Variants in GPR155 observed in about 807,000 individuals in gnomAD.
The protein encoded by GPR155 is G protein-coupled receptor 155.
In GPR155, 65 loss-of-function variants were observed where a neutral mutation model predicts 93.1. The observed-to-expected ratio is 0.70, with a 90% CI of 0.57 to 0.86. The LOEUF is 0.86. Ranked by LOEUF, GPR155 falls within the 40% of genes least tolerant of loss-of-function variation. The probability of loss-of-function intolerance (pLI) is 0.00; values close to 1 mark genes in which losing one functional copy is unlikely to be tolerated. For missense variants in GPR155, 838 were observed against 1,034.8 expected, an observed-to-expected ratio of 0.81 and a Z score of 2.61; for synonymous variants, 319 against 360.1, an observed-to-expected ratio of 0.89 and a Z score of 1.29.
At chr2:174,439,408 T>C (rs1427616013) in intron 15 of GPR155, among the ~76,000 whole-genome samples, 2 of 152,188 alleles carry the variant, frequency 1.3e-5, no homozygotes. Context: ...AGGATTAGTA[T>C]AATAAATATT....
intron 2 of GPR155, among the ~76,000 whole-genome samples, chr2:174,480,279 A>C (rs1688282305): frequency 6.6e-6 from 1 of 152,168 alleles, no homozygotes. Context: ...ACCACCTGAC[A>C]TGATTTTAAT....
rs1688329229 is a variant in GPR155 at position 174,481,772 on chromosome 2, G to T, written c.185C>A (p.Ala62Asp). ...IVLCGYIAGRANVITSTQAKG... is the reference protein window; with the variant it reads ...IVLCGYIAGRDNVITSTQAKG... ...GGCCTGGGTTGATGTTATGACATTG[G>T]CCCTTCCTGCTATGTAGCCACAAAG... is the stretch of plus-strand genomic sequence containing the variant. The change falls in exon 2 of 16, where the codon GCC (alanine) becomes GAC (aspartate). Residue 62 changes from alanine to aspartate, a missense_variant. Physicochemically the swap from Ala to Asp is moderately radical, Grantham distance 126 (BLOSUM62 -2). Transcript: ENST00000392552. 6.2e-7 allele frequency: 1 copy of T among 1,614,064 alleles called. No individual in the cohort carries two copies. Among genetic ancestry groups the T allele is most frequent in the African/African-American group, 1.3e-5 (1 of 74,940 alleles).
rs1366269972 is a variant in GPR155 at position 174,470,509 on chromosome 2, T to C, written c.907A>G (p.Lys303Glu). 2.5e-6 allele frequency: 4 copies of C among 1,613,982 alleles called. No individual in the cohort carries two copies. The highest frequency in any genetic ancestry group is 1.1e-5 in the South Asian group (1 of 91,084). The change falls in exon 4 of 16, where the codon AAG becomes GAG. Residue 303 changes from lysine to glutamate, a missense_variant. By Grantham distance (56) the Lys-to-Glu change is moderately conservative. Around this residue, in one of 3 missense-constraint regions of GPR155, gnomAD observed 663 missense variants for 790.1 expected, o/e 0.84. Transcript: ENST00000392552. ...LCREMVELLD[K>E]GDSVVNHTSL... ...GTATGGTTCACCACACTGTCGCCCT[T>C]GTCCAAGAGTTCCACCATTTCTCTG...
intron 9 of GPR155, among the ~76,000 whole-genome samples, chr2:174,460,658 C>T (rs1687663903): frequency 6.6e-6 from 1 of 152,140 alleles, no homozygotes; most frequent in Non-Finnish European, 1.5e-5. Flanking sequence ...CCACTGGTTT[C>T]CTTTACAAGG....
intron 4 of GPR155, among the ~76,000 whole-genome samples, chr2:174,469,446 A>G (rs911804940): frequency 1.8e-4 from 28 of 152,322 alleles, no homozygotes; most frequent in Non-Finnish European, 3.4e-4. Flanking sequence ...ATTACCATGC[A>G]AATATTTATT....
chr2:174,462,718 C>T (rs1399025411), intron 7 of GPR155, among the ~76,000 whole-genome samples: 1 of 152,188 alleles, frequency 6.6e-6, no homozygotes, highest in Non-Finnish European at 1.5e-5. Flanking sequence ...TTTTAGAAAA[C>T]GCCCTAAGTG....
At chr2:174,441,117 A>T (rs10930668) in intron 14 of GPR155, among the ~76,000 whole-genome samples, 11 of 151,176 alleles carry the variant, frequency 7.3e-5, no homozygotes, top group Middle Eastern at 3.4e-3. Flanking sequence ...AGTTCCTCCA[A>T]TTTTTTTTTG....
At chr2:174,458,610 T>C (rs1338928849) in intron 10 of GPR155, among the ~76,000 whole-genome samples, 1 of 152,146 alleles carries the variant, frequency 6.6e-6, no homozygotes, top group African/African-American at 2.4e-5. Context: ...ACTGCCTTAG[T>C]ATAGGCCCCA....
At position 174,473,381 on chromosome 2, in the gene GPR155, T is replaced by C. The variant is rs1355050317; in HGVS notation, c.461-17A>G. 3 of 1,499,422 alleles carry C rather than the reference T, an allele frequency of 2.0e-6. No homozygotes were observed. The highest frequency in any genetic ancestry group is 2.7e-6 in the Non-Finnish European group (3 of 1,100,362). The allele number at this position is 1,499,422 out of a possible 1,614,324, so 92.9% of individuals were successfully genotyped here. A position where few individuals can be genotyped will look rare whatever the true frequency, so the allele number is the denominator to read the frequency against. On this transcript the variant is annotated splice_polypyrimidine_tract_variant and intron_variant, in intron 2 of 15. Transcript: ENST00000392552. ...AAGCTTCAACTGCAAAACAAGAATATTGATTTTTAAATGATGACCACAGAA... is the reference window on the plus strand; with the variant it reads ...AAGCTTCAACTGCAAAACAAGAATACTGATTTTTAAATGATGACCACAGAA...
intron 10 of GPR155, among the ~76,000 whole-genome samples, chr2:174,455,587 A>T (rs1199916278): frequency 1.3e-5 from 2 of 152,172 alleles, no homozygotes; most frequent in Non-Finnish European, 2.9e-5. Flanking sequence ...GAATTACAAG[A>T]ATCCAGCAGA....
chr2:174,442,126 T>G lies in GPR155; in HGVS notation c.2167A>C (p.Lys723Gln). 7.4e-7 allele frequency: 1 copy of G among 1,349,982 alleles called. No homozygotes were observed. Among genetic ancestry groups the G allele is most frequent in the Non-Finnish European group, 1.1e-6 (1 of 940,810 alleles). 83.6% of individuals were successfully genotyped at this position (1,349,982 alleles called of 1,614,324 possible). Reference protein sequence around the residue: ...LDKHLIILPFKRRLEFLWNNK... With the variant: ...LDKHLIILPFQRRLEFLWNNK... ...TTTCAAAACTTAATTTACCTTCTTTTGAAAGGCAGGATGATTAAATGTTTA... is the reference window on the plus strand; with the variant it reads ...TTTCAAAACTTAATTTACCTTCTTTGGAAAGGCAGGATGATTAAATGTTTA... Residue 723 changes from lysine (K) to glutamine (Q), a missense_variant, in exon 14 of 16, where the codon AAA becomes CAA. Lys to Gln is a moderately conservative substitution (Grantham distance 53). Coordinates refer to ENST00000392552, the MANE Select transcript of GPR155 (RefSeq NM_152529.7).
chr2:174,445,040 A>G (rs1277055659), intron 13 of GPR155, 41 bp downstream of exon 13: 3 of 968,636 alleles, frequency 3.1e-6, no homozygotes, highest in Non-Finnish European at 5.1e-6. Context: ...CAACCTATCC[A>G]GGAAGACAAA....
chr2:174,438,495 G>A (rs543618608), intron 15 of GPR155, among the ~76,000 whole-genome samples: 1 of 152,128 alleles, frequency 6.6e-6, no homozygotes, highest in African/African-American at 2.4e-5. Flanking sequence ...AAAAAGCAGG[G>A]TTATTTTGTG....
At chr2:174,462,315 A>AT (rs939574314) in intron 7 of GPR155, among the ~76,000 whole-genome samples, 67 of 145,780 alleles carry the variant, frequency 4.6e-4, no homozygotes, top group South Asian at 8.8e-4. Flanking sequence ...ACTGAAAAAC[A>AT]TTTTTTTTTT....
chr2:174,442,627 G>T (rs933189800), intron 13 of GPR155, among the ~76,000 whole-genome samples: 1 of 152,210 alleles, frequency 6.6e-6, no homozygotes, highest in Non-Finnish European at 1.5e-5. Context: ...CTGGCTAGTG[G>T]TTAGGAGAAG....
Position 174,470,599 on chromosome 2 carries a change from G to A in GPR155, c.861-44C>T, listed in dbSNP as rs746305762. Reference sequence around the variant, plus strand: ...CATCATTTACCTGATATCAAAGCATGGTTGTCCCCAGTAGCAGGCTGCTCT... The same window carrying A: ...CATCATTTACCTGATATCAAAGCATAGTTGTCCCCAGTAGCAGGCTGCTCT... On this transcript the variant is annotated intron_variant, in intron 3 of 15. Coordinates refer to ENST00000392552, the MANE Select transcript of GPR155 (RefSeq NM_152529.7). 4 of 1,575,624 alleles carry A rather than the reference G, an allele frequency of 2.5e-6. No homozygotes were observed. The South Asian group carries it at 4.5e-5, about 18-fold the overall frequency.
At chr2:174,453,502 T>C (rs1282782045) in intron 11 of GPR155, among the ~76,000 whole-genome samples, 2 of 151,394 alleles carry the variant, frequency 1.3e-5, no homozygotes, top group Admixed American at 1.3e-4. Context: ...CTACTAAAAA[T>C]ACAAAAAATT....
chr2:174,448,903 T>G (rs1316442838), intron 11 of GPR155, among the ~76,000 whole-genome samples: 1 of 152,084 alleles, frequency 6.6e-6, no homozygotes, highest in African/African-American at 2.4e-5. Context: ...CTAATTAAAC[T>G]AAAGAGCTTC....
At chr2:174,453,880 C>G (rs1687408144) in intron 10 of GPR155, 39 bp from the exon 11 acceptor site, 4 of 1,343,014 alleles carry the variant, frequency 3.0e-6, no homozygotes, top group Non-Finnish European at 4.3e-6. Context: ...AGAGCCCAAC[C>G]ACAACAGAAA....
Sources: allele counts gnomAD v4.1 joint callset (sites outside exome capture counted in the v4.1 genomes callset), GRCh38; gene constraint gnomAD v4.1.1; regional missense constraint gnomAD v4.1.1; transcripts MANE v1.5; gene names NCBI Gene and HGNC (gene_info 2026-07-23, HGNC 2026-07-21).